PCDHGA5: variants seen among roughly 807,000 people sequenced by gnomAD.
PCDHGA5 encodes protocadherin gamma subfamily A, 5.
Under a neutral mutation model 56.7 loss-of-function variants are expected in PCDHGA5, and 36 were observed. The observed-to-expected ratio is 0.64, with a 90% CI of 0.49 to 0.84. PCDHGA5 has a LOEUF of 0.84. Ranked by LOEUF, PCDHGA5 falls within the 40% of genes least tolerant of loss-of-function variation. The pLI is 0.00. For synonymous variants in PCDHGA5, 563 were observed against 520.2 expected, an observed-to-expected ratio of 1.08 and a Z score of -1.12; for missense variants, 1,305 against 1,201.5, an observed-to-expected ratio of 1.09 and a Z score of -1.27.
At chr5:141,447,613 A>G (rs1169186870) in intron 1 of PCDHGA5, among the ~76,000 whole-genome samples, 1 of 152,186 alleles carries the variant, frequency 6.6e-6, no homozygotes, top group Admixed American at 6.5e-5. Context: ...TTAGCATTTT[A>G]AAGTTGAAAC....
At chr5:141,426,946 C>T (rs565370434) in intron 1 of PCDHGA5, 5 of 456,668 alleles carry the variant, frequency 1.1e-5, no homozygotes, top group Non-Finnish European at 2.2e-5. Context: ...CCAGTCCCAA[C>T]TGGCACTGCT....
intron 1 of PCDHGA5, chr5:141,421,172 G>T: frequency 7.3e-7 from 1 of 1,366,164 alleles, no homozygotes. Flanking sequence ...AGATACATAA[G>T]CCGATTCACA....
intron 1 of PCDHGA5, chr5:141,404,948 G>A (rs756928954): frequency 3.1e-6 from 5 of 1,613,838 alleles, no homozygotes; most frequent in African/African-American, 1.3e-5. Flanking sequence ...AGCCATAGCT[G>A]ACAGCATCCC....
chr5:141,503,894 T>C (rs898125492), intron 2 of PCDHGA5, among the ~76,000 whole-genome samples: 2 of 152,144 alleles, frequency 1.3e-5, no homozygotes, highest in African/African-American at 4.8e-5. Flanking sequence ...CATGACAAAA[T>C]ATGCACACAC....
In PCDHGA5 at chr5:141,431,211, G is replaced by A. The variant is rs1054638121; in HGVS notation, c.2422-63596G>A. The A allele has an allele frequency of 6.2e-7, 1 of 1,614,004 alleles. No individual in the cohort carries two copies. The highest frequency in any genetic ancestry group is 1.7e-5 in the Admixed American group (1 of 60,006). ...AGTGAAAATGCAGCCACTGAGATGC[G>A]GTTCCCTCTACCCCACGCCTGGGAT... On this transcript the variant is annotated intron_variant, in intron 1 of 3. Coordinates refer to ENST00000518069, the MANE Select transcript of PCDHGA5 (RefSeq NM_018918.3). This position sits in a 1 kb window ranked among gnomAD's most constrained non-coding sequence, Gnocchi z 4.8.
At chr5:141,373,954 T>C (rs1439763136) in intron 1 of PCDHGA5, 3 of 850,698 alleles carry the variant, frequency 3.5e-6, no homozygotes, top group East Asian at 5.9e-5. Context: ...GCAGAAATTC[T>C]GACCTGAAAC....
chr5:141,427,892 C>G (rs752723370), intron 1 of PCDHGA5: 2 of 1,567,044 alleles, frequency 1.3e-6, no homozygotes, highest in African/African-American at 2.7e-5. Context: ...ACGACCAGGG[C>G]TCGCCCGCGC....
At chr5:141,409,461 T>C in intron 1 of PCDHGA5, 1 of 1,613,928 alleles carries the variant, frequency 6.2e-7, no homozygotes, top group Non-Finnish European at 8.5e-7. Flanking sequence ...GAATACAATG[T>C]CACCATCGTA....
chr5:141,371,160 C>T, intron 1 of PCDHGA5: 4 of 1,614,022 alleles, frequency 2.5e-6, no homozygotes, highest in Non-Finnish European at 2.5e-6. Context: ...AGAGAACCTG[C>T]CCGCTGGCTC....
rs1379875429 is a variant in PCDHGA5 at position 141,491,125 on chromosome 5, C to T, written c.2422-3682C>T. 3.1e-6 allele frequency: 5 copies of T among 1,614,020 alleles called. No homozygotes were observed. The highest frequency in any genetic ancestry group is 4.2e-6 in the Non-Finnish European group (5 of 1,179,992). ...CGTGTCTACACACACTGGTGAGGTG[C>T]GCACAGCCCGGGCCTTACTGGAGGA... On this transcript the variant is annotated intron_variant, in intron 1 of 3. Coordinates refer to ENST00000518069, the MANE Select transcript of PCDHGA5 (RefSeq NM_018918.3). The surrounding 1 kb of genome is among the most constrained non-coding windows in gnomAD (Gnocchi z 6.9).
intron 1 of PCDHGA5, chr5:141,395,406 G>C (rs923158895): frequency 1.2e-6 from 1 of 833,442 alleles, no homozygotes; most frequent in Non-Finnish European, 1.8e-6. Flanking sequence ...AATAGTCATA[G>C]GTTATTGTTT....
rs773729429 is a variant in PCDHGA5, at chr5:141,491,406, C to T, written c.2422-3401C>T. ...CGAAGTGCCTTCAGGGAAACGCAGA[C>T]GGGGACGGGGGTGGAGGGCAGTGCT... On this transcript the variant is annotated intron_variant, in intron 1 of 3. Transcript: ENST00000518069. The surrounding 1 kb of genome is among the most constrained non-coding windows in gnomAD (Gnocchi z 6.9). The T allele has an allele frequency of 1.2e-6, 2 of 1,614,096 alleles. No homozygotes were observed. The highest frequency in any genetic ancestry group is 1.7e-6 in the Non-Finnish European group (2 of 1,179,990).
chr5:141,491,945 C>T lies in PCDHGA5; in HGVS notation c.2422-2862C>T. ...GAGGGGAGGTGGGACCGACCCCCAC[C>T]CCTACACTCAAAAAAGGCCGGGGCC... On this transcript the variant is annotated intron_variant, in intron 1 of 3. Coordinates refer to ENST00000518069, the MANE Select transcript of PCDHGA5 (RefSeq NM_018918.3). The surrounding 1 kb of genome is among the most constrained non-coding windows in gnomAD (Gnocchi z 6.9). 1.8e-6 allele frequency: 2 copies of T among 1,116,616 alleles called. No individual in the cohort carries two copies. 69.2% of individuals were successfully genotyped at this position (1,116,616 alleles called of 1,614,324 possible). A position where few individuals can be genotyped will look rare whatever the true frequency, so the allele number is the denominator to read the frequency against.
intron 2 of PCDHGA5, among the ~76,000 whole-genome samples, chr5:141,498,411 C>T (rs747823234): frequency 2.0e-5 from 3 of 152,158 alleles, no homozygotes; most frequent in Non-Finnish European, 4.4e-5. Context: ...TTTCTCTTTG[C>T]TGGCACTGGA....
chr5:141,389,341 C>G, intron 1 of PCDHGA5: 1 of 1,614,016 alleles, frequency 6.2e-7, no homozygotes, highest in East Asian at 2.2e-5. Context: ...GGCCAAGTCT[C>G]TTACTGCATC....
At chr5:141,400,227 C>T in intron 1 of PCDHGA5, 1 of 1,614,052 alleles carries the variant, frequency 6.2e-7, no homozygotes, top group Middle Eastern at 1.6e-4. Flanking sequence ...TGCTCTTCCT[C>T]CTGGCCGTGA....
chr5:141,418,618 A>T, intron 1 of PCDHGA5: 5 of 1,614,046 alleles, frequency 3.1e-6, no homozygotes, highest in Non-Finnish European at 4.2e-6. Context: ...GCCTTCGGGA[A>T]GACGTGCCTC....
intron 3 of PCDHGA5, among the ~76,000 whole-genome samples, chr5:141,509,801 T>C (rs556629445): frequency 2.6e-5 from 4 of 152,140 alleles, no homozygotes; most frequent in South Asian, 2.1e-4. Flanking sequence ...CTCAGCTTCA[T>C]AGAGCCGAGC....
intron 1 of PCDHGA5, chr5:141,403,278 T>C (rs1254967384): frequency 1.2e-6 from 2 of 1,613,784 alleles, no homozygotes; most frequent in Non-Finnish European, 1.7e-6. Context: ...TTTAAAGTCC[T>C]GGTTGAAGAC....
Sources: allele counts gnomAD v4.1 joint callset (sites outside exome capture counted in the v4.1 genomes callset), GRCh38; gene constraint gnomAD v4.1.1; non-coding constraint Gnocchi (gnomAD v3.1); transcripts MANE v1.5; gene names NCBI Gene and HGNC (gene_info 2026-07-23, HGNC 2026-07-21).